The following ZNF275 variants were observed in gnomAD, a reference collection of about 807,000 sequenced individuals.
ZNF275 encodes zinc finger protein 275.
Under a neutral mutation model 4.3 loss-of-function variants are expected in ZNF275, and 4 were observed. That is an observed-to-expected ratio of 0.93 (90% CI 0.46 to 2.13). The LOEUF is 2.13. Among genes scored for constraint, ZNF275 ranks in the 30% most tolerant of loss-of-function variants. The pLI, the probability that ZNF275 is intolerant of heterozygous loss-of-function variation, is 0.02. For missense variants in ZNF275, 352 were observed against 397.1 expected (o/e 0.89, Z 0.97); for synonymous variants, 173 against 166.9 (o/e 1.04, Z -0.28).
intron 2 of ZNF275, among the ~76,000 whole-genome samples, chrX:153,337,374 G>A (rs1556960680): frequency 1.8e-5 from 2 of 111,951 alleles, no homozygotes; most frequent in African/African-American, 6.5e-5. Context: ...TAATCCAAAG[G>A]CAACCAGAAA....
chrX:153,340,179 C>G (rs2088472635), intron 2 of ZNF275, among the ~76,000 whole-genome samples: 1 of 112,114 alleles, frequency 8.9e-6, no homozygotes, highest in Non-Finnish European at 1.9e-5. Context: ...GCTGAGCACC[C>G]GAGGATGAAC....
rs199733792 is a variant in ZNF275 at position 153,341,644 on chromosome X, C to CT, written c.32-3875dup. Among the ~76,000 whole-genome samples, 1,052 of 112,005 alleles carry CT rather than the reference C, an allele frequency of 9.4e-3. 17 individuals are homozygous for CT. Among genetic ancestry groups the CT allele is most frequent in the African/African-American group, 0.033 (1,009 of 30,817 alleles). ...AATAGAGATCTGCTGGTGATGAATTCTCTTAGCTTTTGTCTGAAAACAAAC... is the reference window on the plus strand; with the variant it reads ...AATAGAGATCTGCTGGTGATGAATTCTTCTTAGCTTTTGTCTGAAAACAAAC... On this transcript the variant is annotated intron_variant, in intron 2 of 3. Transcript: ENST00000650114.
intron 2 of ZNF275, among the ~76,000 whole-genome samples, chrX:153,338,862 G>A (rs1354331890): frequency 9.0e-6 from 1 of 110,805 alleles, no homozygotes; most frequent in African/African-American, 3.3e-5. Flanking sequence ...CTCACCCCCA[G>A]TCTGTCTTCT....
In ZNF275 at chrX:153,347,938, C is replaced by A; in HGVS notation, c.1253C>A (p.Ser418Ter). The A allele has an allele frequency of 1.7e-6, 2 of 1,147,736 alleles. No individual in the cohort carries two copies. The highest frequency in any genetic ancestry group is 4.2e-5 in the South Asian group (2 of 48,154). 94.6% of individuals were successfully genotyped at this position (1,147,736 alleles called of 1,213,427 possible). A position where few individuals can be genotyped will look rare whatever the true frequency, so the allele number is the denominator to read the frequency against. Residue 418 changes from serine to a stop codon, truncating the protein, a stop_gained, in exon 4 of 4, where the codon TCG becomes TAG. Transcript: ENST00000650114. LOFTEE classifies it high-confidence loss of function. ...SQCGRVFKRR[S>*]ALQKHQPTHH... ...TGTGGCCGCGTGTTCAAGAGGCGCT[C>A]GGCACTGCAGAAGCATCAGCCAACC...
chrX:153,347,531 G>T lies in ZNF275; in HGVS notation c.846G>T (p.Glu282Asp). ...KSFRGVNGLA[E>D]HQRIHSGAKP... ...TCCGAGGGGTCAACGGGCTGGCCGA[G>T]CACCAGCGCATCCACAGTGGGGCCA... Residue 282 changes from glutamate (E) to aspartate (D), a missense_variant, in exon 4 of 4, where the codon GAG (glutamate) becomes GAT (aspartate). Coordinates refer to ENST00000650114, the MANE Select transcript of ZNF275 (RefSeq NM_001367757.1). 1 of 1,191,056 alleles carries T rather than the reference G, an allele frequency of 8.4e-7. No individual in the cohort carries two copies. Among genetic ancestry groups the T allele is most frequent in the Non-Finnish European group, 1.1e-6 (1 of 885,719 alleles).
At chrX:153,335,941 C>T (rs1003816184) in intron 1 of ZNF275, among the ~76,000 whole-genome samples, 23 of 111,833 alleles carry the variant, frequency 2.1e-4, no homozygotes, top group African/African-American at 5.9e-4. Context: ...TGGCCCTGGG[C>T]TCTTTGCAAT....
chrX:153,352,594 A>C lies in ZNF275; in HGVS notation c.*4619A>C, dbSNP rs1374426673. 2 of 112,498 alleles carry C rather than the reference A, an allele frequency of 1.8e-5. No homozygotes were observed. Among genetic ancestry groups the C allele is most frequent in the African/African-American group, 6.5e-5 (2 of 30,896 alleles). 9.3% of individuals were successfully genotyped at this position (112,498 alleles called of 1,213,427 possible). ...TTTGGATGTTTACTTTGAAAAGCAG[A>C]AACTGTCTCTTTAAACTTGGCCCTC... On this transcript the variant is annotated 3_prime_UTR_variant, in exon 4 of 4. Transcript: ENST00000650114.
In ZNF275 at chrX:153,345,511, C is replaced by T. The variant is rs868908777; in HGVS notation, c.32-9C>T. On this transcript the variant is annotated splice_polypyrimidine_tract_variant and intron_variant, in intron 2 of 3. Transcript: ENST00000650114. Reference sequence around the variant, plus strand: ...TGTTGCCATAACCAATCTCCTTTCCCATGAGCAGGCGTTCCTGTTTTAAAT... The same window carrying T: ...TGTTGCCATAACCAATCTCCTTTCCTATGAGCAGGCGTTCCTGTTTTAAAT... The T allele has an allele frequency of 1.0e-5, 12 of 1,197,208 alleles. No individual in the cohort carries two copies. Among genetic ancestry groups the T allele is most frequent in the Middle Eastern group, 2.3e-4 (1 of 4,299 alleles).
intron 2 of ZNF275, among the ~76,000 whole-genome samples, chrX:153,341,885 T>C (rs1408346494): frequency 8.9e-6 from 1 of 112,277 alleles, no homozygotes; most frequent in African/African-American, 3.2e-5. Context: ...TTATCACTGG[T>C]TTTACAGCAG....
intron 2 of ZNF275, chrX:153,344,056 C>A: frequency 3.2e-6 from 1 of 311,650 alleles, no homozygotes; most frequent in South Asian, 2.9e-5. Context: ...AAGAAATCAC[C>A]AGTCTCTTCC....
intron 2 of ZNF275, among the ~76,000 whole-genome samples, chrX:153,339,567 C>G (rs1039958280): frequency 9.0e-6 from 1 of 110,977 alleles, no homozygotes; most frequent in Non-Finnish European, 1.9e-5. Flanking sequence ...GTAGTCCCAG[C>G]TACTCAGGAG....
rs2088454076 is a variant in ZNF275, at chrX:153,337,515, G to A, written c.31+805G>A. Among the ~76,000 whole-genome samples, 3 of 112,263 alleles carry A rather than the reference G, an allele frequency of 2.7e-5. No homozygotes were observed. In the Admixed American group the frequency reaches 2.8e-4, roughly 11 times the overall value. On this transcript the variant is annotated intron_variant, in intron 2 of 3. Coordinates refer to ENST00000650114, the MANE Select transcript of ZNF275 (RefSeq NM_001367757.1). ...GACTCTTAGTGTTTTCTGTTTCCAT[G>A]CAGTAAATTTGATTTAAATAAGTTG...
At position 153,350,972 on chromosome X, in the gene ZNF275, T is replaced by G. The variant is rs72616429; in HGVS notation, c.*2997T>G. ...ATCGTTTGTTGGGTTTCATGAGGGA[T>G]CCCATTGAAGTAGATCCCTTTTATG... On this transcript the variant is annotated 3_prime_UTR_variant, in exon 4 of 4. Transcript: ENST00000650114. The G allele has an allele frequency of 0.038, 4,627 of 122,878 alleles. 183 individuals carry two copies. The highest frequency in any genetic ancestry group is 0.16 in the East Asian group (551 of 3,496). 10.1% of individuals were successfully genotyped at this position (122,878 alleles called of 1,213,427 possible).
At position 153,346,884 on chromosome X, in the gene ZNF275, A is replaced by G; in HGVS notation, c.199A>G (p.Thr67Ala). ...TGCCCAGCCACAGGAGATGGCGTCC[A>G]CAAGCTTCCCAAGGGCCAGTGGTCC... is the stretch of plus-strand genomic sequence containing the variant. ...EDAQPQEMAS[T>A]SFPRASGPSP... Residue 67 changes from threonine (T) to alanine (A), a missense_variant, in exon 4 of 4, where the codon ACA becomes GCA. By Grantham distance (58) the Thr-to-Ala change is moderately conservative (BLOSUM62 0). Coordinates refer to ENST00000650114, the MANE Select transcript of ZNF275 (RefSeq NM_001367757.1). 8.3e-7 allele frequency: 1 copy of G among 1,210,012 alleles called. No homozygotes were observed. Among genetic ancestry groups the G allele is most frequent in the East Asian group, 3.0e-5 (1 of 33,803 alleles).
intron 1 of ZNF275, among the ~76,000 whole-genome samples, chrX:153,335,752 G>A (rs1290190711): frequency 9.1e-6 from 1 of 110,082 alleles, no homozygotes; most frequent in Non-Finnish European, 1.9e-5. Flanking sequence ...TTCTAGACAG[G>A]CCCAGTGTTA....
In ZNF275 at chrX:153,349,515, G is replaced by A. The variant is rs981022698; in HGVS notation, c.*1540G>A. 5 of 123,821 alleles carry A rather than the reference G, an allele frequency of 4.0e-5. No individual in the cohort carries two copies. The allele number at this position is 123,821 out of a possible 1,213,427, so 10.2% of individuals were successfully genotyped here. A position where few individuals can be genotyped will look rare whatever the true frequency, so the allele number is the denominator to read the frequency against. ...TTTATGTAGCAGTTCTTTCTATATT[G>A]ATGGTGATGTTCTCTTTTCCAATTT... On this transcript the variant is annotated 3_prime_UTR_variant, in exon 4 of 4. Coordinates refer to ENST00000650114, the MANE Select transcript of ZNF275 (RefSeq NM_001367757.1).
At position 153,349,685 on chromosome X, in the gene ZNF275, T is replaced by G. The variant is rs144519696; in HGVS notation, c.*1710T>G. The G allele has an allele frequency of 6.3e-4, 78 of 123,841 alleles. No individual in the cohort carries two copies. The highest frequency in any genetic ancestry group is 2.5e-3 in the African/African-American group (77 of 30,943). The allele number at this position is 123,841 out of a possible 1,213,427, so 10.2% of individuals were successfully genotyped here. A position where few individuals can be genotyped will look rare whatever the true frequency, so the allele number is the denominator to read the frequency against. ...AGATATGATGACATTTTCTCTAGAA[T>G]TTTAATTACAAACAAAAAGCTGCAA... On this transcript the variant is annotated 3_prime_UTR_variant, in exon 4 of 4. Transcript: ENST00000650114.
Position 153,350,622 on chromosome X carries a change from C to T in ZNF275, c.*2647C>T, listed in dbSNP as rs782510786. 2.4e-5 allele frequency: 3 copies of T among 123,923 alleles called. No homozygotes were observed. In the East Asian group the frequency reaches 8.4e-4, roughly 35 times the overall value. 10.2% of individuals were successfully genotyped at this position (123,923 alleles called of 1,213,427 possible). On this transcript the variant is annotated 3_prime_UTR_variant, in exon 4 of 4. Coordinates refer to ENST00000650114, the MANE Select transcript of ZNF275 (RefSeq NM_001367757.1). Reference sequence around the variant, plus strand: ...GCCTGGCAAGGAAGTGTGCCCTTCTCGTGGGCCCACCAAGGCTGAGGCAGA... The same window carrying T: ...GCCTGGCAAGGAAGTGTGCCCTTCTTGTGGGCCCACCAAGGCTGAGGCAGA...
rs2088536930 is a variant in ZNF275 at position 153,348,598 on chromosome X, G to T, written c.*623G>T. 1 of 122,093 alleles carries T rather than the reference G, an allele frequency of 8.2e-6. No homozygotes were observed. The highest frequency in any genetic ancestry group is 1.9e-5 in the Non-Finnish European group (1 of 53,014). The allele number at this position is 122,093 out of a possible 1,213,427, so 10.1% of individuals were successfully genotyped here. A position where few individuals can be genotyped will look rare whatever the true frequency, so the allele number is the denominator to read the frequency against. On this transcript the variant is annotated 3_prime_UTR_variant, in exon 4 of 4. Coordinates refer to ENST00000650114, the MANE Select transcript of ZNF275 (RefSeq NM_001367757.1). ...CTCCTCACCGTCTTCACCAACATGG[G>T]AACCCTGTTTGAGTCATCAGACAGT...
Sources: allele counts gnomAD v4.1 joint callset (sites outside exome capture counted in the v4.1 genomes callset), GRCh38; gene constraint gnomAD v4.1.1; transcripts MANE v1.5; gene names NCBI Gene and HGNC (gene_info 2026-07-23, HGNC 2026-07-21).